Variants in GMDS observed in about 807,000 individuals in gnomAD.
GMDS encodes GDP-mannose 4,6 dehydratase.
GMDS carries 20 observed loss-of-function variants against 49.9 expected under a neutral mutation model. That is an observed-to-expected ratio of 0.40 (90% CI 0.28 to 0.58). The LOEUF (loss-of-function observed/expected upper bound fraction) is 0.58. Ranked by LOEUF, GMDS falls within the 20% of genes least tolerant of loss-of-function variation. GMDS has a pLI of 0.42. For synonymous variants in GMDS, 177 were observed against 178.6 expected, an observed-to-expected ratio of 0.99 and a Z score of 0.07; for missense variants, 362 against 481.4, an observed-to-expected ratio of 0.75 and a Z score of 2.32.
chr6:1,698,107 A>G (rs1765406062), intron 9 of GMDS, among the ~76,000 whole-genome samples: 1 of 152,228 alleles, frequency 6.6e-6, no homozygotes, highest in South Asian at 2.1e-4. Context: ...TCCCAACACC[A>G]GAGTCTCACT....
At chr6:1,665,048 G>T (rs1764196937) in intron 9 of GMDS, among the ~76,000 whole-genome samples, 1 of 152,218 alleles carries the variant, frequency 6.6e-6, no homozygotes, top group Non-Finnish European at 1.5e-5. Context: ...GGAAGTGGCA[G>T]TTGGCAGTTT....
chr6:1,689,938 A>G (rs140603374), intron 9 of GMDS, among the ~76,000 whole-genome samples: 81 of 152,246 alleles, frequency 5.3e-4, no homozygotes, highest in African/African-American at 1.8e-3. Context: ...CCACTGATTA[A>G]TAAGATTGCT....
intron 7 of GMDS, among the ~76,000 whole-genome samples, chr6:1,822,621 A>G (rs1327108624): frequency 6.6e-6 from 1 of 152,214 alleles, no homozygotes; most frequent in African/African-American, 2.4e-5. Flanking sequence ...CAAAGATGAA[A>G]AAAGGAGAAA....
intron 7 of GMDS, among the ~76,000 whole-genome samples, chr6:1,789,400 C>T (rs1285564302): frequency 6.6e-6 from 1 of 152,190 alleles, no homozygotes; most frequent in South Asian, 2.1e-4. Context: ...CCATGAATTA[C>T]AGAGACGCTC....
chr6:1,649,517 G>A (rs1170191604), intron 9 of GMDS, among the ~76,000 whole-genome samples: 1 of 151,992 alleles, frequency 6.6e-6, no homozygotes, highest in Non-Finnish European at 1.5e-5. Context: ...CTCATAATAC[G>A]CCATTAAAGC....
intron 1 of GMDS, among the ~76,000 whole-genome samples, chr6:2,146,160 T>C (rs1236861506): frequency 6.6e-6 from 1 of 152,234 alleles, no homozygotes; most frequent in South Asian, 2.1e-4. Context: ...AAATCAATTA[T>C]TAATGAAGAT....
intron 1 of GMDS, among the ~76,000 whole-genome samples, chr6:2,127,580 C>G (rs1376952715): frequency 1.3e-5 from 2 of 152,238 alleles, no homozygotes; most frequent in Non-Finnish European, 2.9e-5. Context: ...CTGGAACATT[C>G]TGAACCAGTA....
At chr6:1,777,689 TA>T (rs1361527932) in intron 7 of GMDS, among the ~76,000 whole-genome samples, 1 of 152,232 alleles carries the variant, frequency 6.6e-6, no homozygotes, top group Non-Finnish European at 1.5e-5. Context: ...AACTAGAGTT[TA>T]AATTAGATGA....
intron 7 of GMDS, among the ~76,000 whole-genome samples, chr6:1,815,940 C>G (rs1770648330): frequency 6.6e-6 from 1 of 152,210 alleles, no homozygotes. Context: ...GGAAGAACTT[C>G]AGCTGGGAAT....
At chr6:1,859,159 T>C (rs3800104) in intron 7 of GMDS, among the ~76,000 whole-genome samples, 75,720 of 152,094 alleles carry the variant, frequency 0.5, 21,702 homozygotes, top group Non-Finnish European at 0.63. Flanking sequence ...GACATCCAGA[T>C]GCAGCACTTA....
At chr6:1,983,671 G>C (rs889328810) in intron 4 of GMDS, among the ~76,000 whole-genome samples, 1 of 152,122 alleles carries the variant, frequency 6.6e-6, no homozygotes, top group East Asian at 1.9e-4. Flanking sequence ...ACCACAATGA[G>C]ATACCATCTC....
intron 4 of GMDS, among the ~76,000 whole-genome samples, chr6:1,967,548 CA>C (rs1764331405): frequency 6.6e-6 from 1 of 152,182 alleles, no homozygotes; most frequent in Admixed American, 6.5e-5. Flanking sequence ...AAAGCTCTAG[CA>C]TAACAATAAC....
chr6:1,709,331 G>A (rs916485601), intron 9 of GMDS, among the ~76,000 whole-genome samples: 1 of 152,240 alleles, frequency 6.6e-6, no homozygotes, highest in Admixed American at 6.5e-5. Context: ...GATCTGGGAG[G>A]AAAGTTGCAG....
chr6:1,813,702 G>A (rs1770541850), intron 7 of GMDS, among the ~76,000 whole-genome samples: 1 of 152,140 alleles, frequency 6.6e-6, no homozygotes, highest in African/African-American at 2.4e-5. Context: ...GGGTAGGAGC[G>A]ATCCACTGAC....
chr6:1,986,169 A>G (rs1765533046), intron 4 of GMDS, among the ~76,000 whole-genome samples: 1 of 152,208 alleles, frequency 6.6e-6, no homozygotes, highest in Non-Finnish European at 1.5e-5. Context: ...GTAATCTGTA[A>G]ACGTGTTCTT....
chr6:2,191,306 G>A lies in GMDS; in HGVS notation c.102+54015C>T, dbSNP rs546868282. ...AGCTCTAGGCTGCCCCTGAGTGCGG[G>A]GGCCACGGGGGAGCTCACAGTGATG... is the stretch of plus-strand genomic sequence containing the variant. On this transcript the variant is annotated intron_variant, in intron 1 of 10. Coordinates refer to ENST00000380815, the MANE Select transcript of GMDS (RefSeq NM_001500.4). This position sits in a 1 kb window ranked among gnomAD's most constrained non-coding sequence, Gnocchi z 4.6. Among the ~76,000 whole-genome samples, 75 of 152,224 alleles carry A rather than the reference G, an allele frequency of 4.9e-4. No homozygotes were observed. The highest frequency in any genetic ancestry group is 1.7e-3 in the African/African-American group (71 of 41,554).
At chr6:1,812,860 G>C (rs553864634) in intron 7 of GMDS, among the ~76,000 whole-genome samples, 3 of 152,240 alleles carry the variant, frequency 2.0e-5, no homozygotes, top group African/African-American at 4.8e-5. Context: ...TGTATACTGG[G>C]AACAGAAATT....
rs185577347 is a variant in GMDS, at chr6:2,072,421, C to T, written c.345+43350G>A. On this transcript the variant is annotated intron_variant, in intron 4 of 10. Coordinates refer to ENST00000380815, the MANE Select transcript of GMDS (RefSeq NM_001500.4). Reference sequence around the variant, plus strand: ...CCTATCCTTTTCATTTTAAATAAAACTGATCAAACATGGATTATTGCTCCA... The same window carrying T: ...CCTATCCTTTTCATTTTAAATAAAATTGATCAAACATGGATTATTGCTCCA... 4.6e-5 allele frequency among the ~76,000 whole-genome samples: 7 copies of T among 152,256 alleles called. No homozygotes were observed. In the East Asian group the frequency reaches 7.7e-4, roughly 17 times the overall value.
intron 4 of GMDS, among the ~76,000 whole-genome samples, chr6:2,092,976 C>T (rs1236241473): frequency 1.3e-5 from 2 of 152,132 alleles, no homozygotes; most frequent in East Asian, 1.9e-4. Flanking sequence ...CCAGTAGTTA[C>T]CAGATTACAA....
Sources: gnomAD v4.1 joint callset for allele counts (sites outside exome capture counted in the v4.1 genomes callset) on GRCh38, gnomAD v4.1.1 for gene constraint, Gnocchi (gnomAD v3.1) non-coding constraint, MANE v1.5 for transcripts, NCBI Gene and HGNC (gene_info 2026-07-23, HGNC 2026-07-21) for gene names.